The following CSN1S1 variants were observed in gnomAD, a reference collection of about 807,000 sequenced individuals.
The protein encoded by CSN1S1 is alpha-S1-casein.
In CSN1S1, 63 loss-of-function variants were observed where a neutral mutation model predicts 49.1. That is an observed-to-expected ratio of 1.28 (90% CI 1.05 to 1.58). The LOEUF (loss-of-function observed/expected upper bound fraction) is 1.58. CSN1S1 is among the 40% of genes most tolerant of loss of function. The pLI is 0.00. For missense variants in CSN1S1, 260 were observed against 224.7 expected, an observed-to-expected ratio of 1.16 and a Z score of -1.01; for synonymous variants, 78 against 67.1, an observed-to-expected ratio of 1.16 and a Z score of -0.79.
At position 69,935,884 on chromosome 4, in the gene CSN1S1, C is replaced by G. The variant is rs1463630359; in HGVS notation, c.106-42C>G. The stretch of plus-strand genomic sequence containing the variant: ...ATTATCTAAATGATTTGATAGATAA[C>G]TCAACTATGAATGAATTTTAACATA... On this transcript the variant is annotated intron_variant, in intron 4 of 15. Coordinates refer to ENST00000246891, the MANE Select transcript of CSN1S1 (RefSeq NM_001890.2). The G allele has an allele frequency of 6.3e-6, 8 of 1,277,388 alleles. No individual in the cohort carries two copies. In the East Asian group the frequency reaches 1.5e-4, roughly 24 times the overall value. The allele number at this position is 1,277,388 out of a possible 1,614,324, so 79.1% of individuals were successfully genotyped here.
intron 14 of CSN1S1, among the ~76,000 whole-genome samples, chr4:69,943,906 C>T (rs1380838009): frequency 1.3e-5 from 2 of 152,002 alleles, no homozygotes; most frequent in Admixed American, 1.3e-4. Flanking sequence ...TCTTCAAAGT[C>T]CCACTTCTCA....
chr4:69,942,518 G>C lies in CSN1S1; in HGVS notation c.361-18G>C. The C allele has an allele frequency of 6.4e-7, 1 of 1,570,132 alleles. No individual in the cohort carries two copies. The highest frequency in any genetic ancestry group is 8.7e-7 in the Non-Finnish European group (1 of 1,153,644). ...AGAAGATGTCTAAGTAATTTAGAAT[G>C]TGTTTCCTTTTATGCAGGAGCAAAT... On this transcript the variant is annotated intron_variant, in intron 13 of 15. Transcript: ENST00000246891.
At chr4:69,945,069 G>A (rs771003936) in intron 15 of CSN1S1, 65 bp downstream of exon 15, 17 of 1,539,126 alleles carry the variant, frequency 1.1e-5, no homozygotes, top group Non-Finnish European at 1.3e-5. Flanking sequence ...ATAGCTTGGA[G>A]AGGATACCAT....
chr4:69,936,047 C>A, intron 5 of CSN1S1, 98 bp downstream of exon 5: 1 of 920,406 alleles, frequency 1.1e-6, no homozygotes, highest in Non-Finnish European at 1.7e-6. Context: ...AAGTGAAAGT[C>A]AAGGATAACA....
At position 69,935,856 on chromosome 4, in the gene CSN1S1, G is replaced by T. The variant is rs1159625980; in HGVS notation, c.106-70G>T. 13 of 980,176 alleles carry T rather than the reference G, an allele frequency of 1.3e-5. No homozygotes were observed. In the Admixed American group the frequency reaches 1.4e-4, roughly 10 times the overall value. The allele number at this position is 980,176 out of a possible 1,614,324, so 60.7% of individuals were successfully genotyped here. A position where few individuals can be genotyped will look rare whatever the true frequency, so the allele number is the denominator to read the frequency against. On this transcript the variant is annotated intron_variant, in intron 4 of 15. Transcript: ENST00000246891. ...GAAGAACATAACGTTTTAATTCAAG[G>T]ACATTATCTAAATGATTTGATAGAT...
rs1722991817 is a variant in CSN1S1, at chr4:69,942,205, C to T, written c.360+142C>T. On this transcript the variant is annotated intron_variant, in intron 13 of 15. Coordinates refer to ENST00000246891, the MANE Select transcript of CSN1S1 (RefSeq NM_001890.2). ...ATCTGATAATATTTTACTTAAAAGT[C>T]ACAAAAGACAAAATTTAAATAATTA... 4 of 566,520 alleles carry T rather than the reference C, an allele frequency of 7.1e-6. No homozygotes were observed. The African/African-American group carries it at 7.6e-5, about 11-fold the overall frequency. 35.1% of individuals were successfully genotyped at this position (566,520 alleles called of 1,614,324 possible).
chr4:69,935,843 G>C, intron 4 of CSN1S1, 83 bp from the exon 5 acceptor site: 7 of 880,250 alleles, frequency 8.0e-6, no homozygotes, highest in Non-Finnish European at 1.3e-5. Flanking sequence ...AGAACATAAC[G>C]TTTTAATTCA....
intron 4 of CSN1S1, among the ~76,000 whole-genome samples, chr4:69,935,724 G>T (rs961356632): frequency 2.6e-5 from 4 of 152,012 alleles, no homozygotes; most frequent in East Asian, 1.9e-4. Flanking sequence ...TTTCCGTGAC[G>T]TATGTAGAGG....
At chr4:69,937,484 G>T (rs1224171178) in intron 8 of CSN1S1, among the ~76,000 whole-genome samples, 1 of 150,844 alleles carries the variant, frequency 6.6e-6, no homozygotes, top group East Asian at 2.0e-4. Flanking sequence ...GAGCTTCAGT[G>T]CAGTGTCCTG....
intron 12 of CSN1S1, 56 bp from the exon 13 acceptor site, chr4:69,941,990 T>C: frequency 2.5e-6 from 3 of 1,188,548 alleles, no homozygotes; most frequent in African/African-American, 1.5e-5. Flanking sequence ...CAAATGTTTC[T>C]TATTAATGAG....
intron 4 of CSN1S1, 93 bp downstream of exon 4, chr4:69,934,803 T>A: frequency 8.7e-7 from 1 of 1,151,346 alleles, no homozygotes; most frequent in East Asian, 2.4e-5. Context: ...TTCTTTACAA[T>A]TTTTATTTCC....
intron 15 of CSN1S1, 42 bp downstream of exon 15, chr4:69,945,046 G>C (rs754041940): frequency 1.3e-6 from 2 of 1,598,430 alleles, no homozygotes; most frequent in African/African-American, 2.7e-5. Flanking sequence ...TTCTACCAAA[G>C]GAATGAAATA....
intron 14 of CSN1S1, among the ~76,000 whole-genome samples, chr4:69,943,791 G>C (rs867044848): frequency 6.6e-6 from 1 of 151,852 alleles, no homozygotes; most frequent in Non-Finnish European, 1.5e-5. Context: ...CACAAGAGAG[G>C]GTCAAACTCA....
rs553985444 is a variant in CSN1S1 at position 69,937,179 on chromosome 4, A to T, written c.219+35A>T. 2.8e-6 allele frequency: 4 copies of T among 1,430,222 alleles called. No individual in the cohort carries two copies. In the Admixed American group the frequency reaches 9.5e-5, roughly 34 times the overall value. 88.6% of individuals were successfully genotyped at this position (1,430,222 alleles called of 1,614,324 possible). On this transcript the variant is annotated intron_variant, in intron 8 of 15. Coordinates refer to ENST00000246891, the MANE Select transcript of CSN1S1 (RefSeq NM_001890.2). Reference sequence around the variant, plus strand: ...TTTGTTTTAAAATTATTAAACCAATATGAGGAAAAGAAACAATACATATTT... The same window carrying T: ...TTTGTTTTAAAATTATTAAACCAATTTGAGGAAAAGAAACAATACATATTT...
At chr4:69,938,746 C>T (rs1197977790) in intron 9 of CSN1S1, among the ~76,000 whole-genome samples, 2 of 151,594 alleles carry the variant, frequency 1.3e-5, no homozygotes, top group East Asian at 3.9e-4. Flanking sequence ...TAAGATTGTG[C>T]ATTGTATTTA....
At chr4:69,943,710 G>A (rs554046782) in intron 14 of CSN1S1, among the ~76,000 whole-genome samples, 2 of 152,054 alleles carry the variant, frequency 1.3e-5, no homozygotes, top group African/African-American at 4.8e-5. Flanking sequence ...GTCCAAGATT[G>A]AGAGGCCAAC....
chr4:69,934,467 A>C (rs181445700), intron 3 of CSN1S1, among the ~76,000 whole-genome samples: 1 of 152,262 alleles, frequency 6.6e-6, no homozygotes, highest in Admixed American at 6.5e-5. Flanking sequence ...TTTATTCCAG[A>C]GAAATAGTTA....
In CSN1S1 at chr4:69,942,638, C is replaced by T. The variant is rs185608956; in HGVS notation, c.402+61C>T. 7.5e-4 allele frequency: 968 copies of T among 1,296,588 alleles called. 4 individuals carry two copies. Among genetic ancestry groups the T allele is most frequent in the Non-Finnish European group, 8.4e-4 (770 of 921,562 alleles). The allele number at this position is 1,296,588 out of a possible 1,614,324, so 80.3% of individuals were successfully genotyped here. On this transcript the variant is annotated intron_variant, in intron 14 of 15. Transcript: ENST00000246891. ...ATTTTGTTAAGCTTAAATATGTTTG[C>T]TCTTAAATAGCCCCCTACTCTTGAA...
intron 5 of CSN1S1, 33 bp downstream of exon 5, chr4:69,935,982 T>G (rs765103807): frequency 4.7e-6 from 7 of 1,502,968 alleles, no homozygotes; most frequent in South Asian, 3.7e-5. Context: ...TACCGTGCAA[T>G]TAACAAAGAG....
Sources: allele counts gnomAD v4.1 joint callset (sites outside exome capture counted in the v4.1 genomes callset), GRCh38; gene constraint gnomAD v4.1.1; transcripts MANE v1.5; gene names NCBI Gene and HGNC (gene_info 2026-07-23, HGNC 2026-07-21).